Variants in MARCHF8 observed in about 807,000 individuals in gnomAD.
The protein encoded by MARCHF8 is E3 ubiquitin-protein ligase MARCHF8.
MARCHF8 carries 40 observed loss-of-function variants against 51.6 expected under a neutral mutation model. The ratio of observed to expected loss-of-function variants is 0.77; its 90% CI spans 0.60 to 1.01. MARCHF8 has a LOEUF of 1.01. Among genes scored for constraint, MARCHF8 ranks in the 50% least tolerant of loss-of-function variants. MARCHF8 has a pLI of 0.00. For synonymous variants in MARCHF8, 263 were observed against 280.3 expected, an observed-to-expected ratio of 0.94 and a Z score of 0.62; for missense variants, 685 against 708.6, an observed-to-expected ratio of 0.97 and a Z score of 0.38.
intron 1 of MARCHF8, among the ~76,000 whole-genome samples, chr10:45,548,664 GT>G (rs934576302): frequency 6.6e-5 from 10 of 152,124 alleles, no homozygotes; most frequent in African/African-American, 2.2e-4. Context: ...CAGAACAGGT[GT>G]TTTCAACACT....
chr10:45,489,143 A>G (rs900461981), intron 3 of MARCHF8, among the ~76,000 whole-genome samples: 1 of 152,176 alleles, frequency 6.6e-6, no homozygotes, highest in Non-Finnish European at 1.5e-5. Flanking sequence ...TCTGGAAAAA[A>G]TGGAATTTTC....
At chr10:45,541,148 T>G (rs1221930380) in intron 1 of MARCHF8, among the ~76,000 whole-genome samples, 3 of 152,106 alleles carry the variant, frequency 2.0e-5, no homozygotes, top group Non-Finnish European at 4.4e-5. Context: ...CTATTCACAA[T>G]AGCAAAGACT....
intron 3 of MARCHF8, among the ~76,000 whole-genome samples, chr10:45,475,857 C>T (rs1200043921): frequency 6.6e-6 from 1 of 152,184 alleles, no homozygotes; most frequent in African/African-American, 2.4e-5. Flanking sequence ...ACTGCCACCA[C>T]TGGGACCAAG....
chr10:45,594,730 G>C (rs1211268275), exon 1 of MARCHF8: 1 of 152,090 alleles, frequency 6.6e-6, no homozygotes, highest in Non-Finnish European at 1.5e-5. Context: ...GGCTGCGCGC[G>C]GCGTGGGGGA....
chr10:45,529,659 CAT>C (rs2043846231), intron 2 of MARCHF8, among the ~76,000 whole-genome samples: 1 of 152,090 alleles, frequency 6.6e-6, no homozygotes, highest in Admixed American at 6.5e-5. Flanking sequence ...GGCATGAACA[CAT>C]ATTTTGCAAA....
At chr10:45,506,099 T>A (rs1394091042) in intron 2 of MARCHF8, among the ~76,000 whole-genome samples, 1 of 144,986 alleles carries the variant, frequency 6.9e-6, no homozygotes, top group Non-Finnish European at 1.6e-5. Context: ...AGTAATATAT[T>A]CTGATTTACT....
At chr10:45,494,724 T>C (rs546792076) in intron 2 of MARCHF8, among the ~76,000 whole-genome samples, 6 of 152,350 alleles carry the variant, frequency 3.9e-5, no homozygotes, top group South Asian at 2.1e-4. Flanking sequence ...GCCTGGAATA[T>C]AGACGTAATA....
intron 3 of MARCHF8, among the ~76,000 whole-genome samples, chr10:45,470,864 T>C (rs2132982118): frequency 6.6e-6 from 1 of 152,342 alleles, no homozygotes; most frequent in Admixed American, 6.5e-5. Flanking sequence ...GCACAGAAGT[T>C]ACTCTGTCAA....
Position 45,458,497 on chromosome 10 carries a change from G to C in MARCHF8, c.1464C>G (p.Ile488Met). The C allele has an allele frequency of 3.1e-6, 5 of 1,611,020 alleles. No homozygotes were observed. The highest frequency in any genetic ancestry group is 4.2e-6 in the Non-Finnish European group (5 of 1,178,912). ...PFWTKLVVVA[I>M]GFTGGLLFMY... ...TAAAAAGAAGTCCTCCGGTGAAGCCGATGGCCACAACCACCAATTTAGTCC... is the reference window on the plus strand; with the variant it reads ...TAAAAAGAAGTCCTCCGGTGAAGCCCATGGCCACAACCACCAATTTAGTCC... The change falls in exon 8 of 8, where the codon ATC becomes ATG. Residue 488 changes from isoleucine to methionine, a missense_variant. Physicochemically the swap from Ile to Met is conservative, Grantham distance 10. Coordinates refer to ENST00000453424, the MANE Select transcript of MARCHF8 (RefSeq NM_001282866.2).
At chr10:45,482,214 A>G (rs2042900893) in intron 3 of MARCHF8, among the ~76,000 whole-genome samples, 2 of 152,238 alleles carry the variant, frequency 1.3e-5, no homozygotes, top group South Asian at 4.1e-4. Context: ...CAAAAGAATT[A>G]GTGTCATTAA....
At chr10:45,518,425 T>C (rs951845320) in intron 2 of MARCHF8, among the ~76,000 whole-genome samples, 1 of 152,170 alleles carries the variant, frequency 6.6e-6, no homozygotes, top group Non-Finnish European at 1.5e-5. Context: ...ACAACAGCAA[T>C]GGTATGTCCT....
intron 2 of MARCHF8, among the ~76,000 whole-genome samples, chr10:45,491,016 G>A (rs535202826): frequency 2.6e-5 from 4 of 152,256 alleles, no homozygotes; most frequent in East Asian, 3.9e-4. Context: ...TGATCCTCCC[G>A]CCTCAGCCTC....
At chr10:45,486,376 C>A (rs1435354961) in intron 3 of MARCHF8, among the ~76,000 whole-genome samples, 2 of 152,124 alleles carry the variant, frequency 1.3e-5, no homozygotes, top group Non-Finnish European at 2.9e-5. Context: ...CCAGCCTGAT[C>A]AACATAGTGA....
intron 2 of MARCHF8, among the ~76,000 whole-genome samples, chr10:45,522,307 G>A (rs1168621263): frequency 6.6e-6 from 1 of 152,212 alleles, no homozygotes; most frequent in East Asian, 1.9e-4. Flanking sequence ...CTATCTGGGA[G>A]TGGACACACT....
intron 2 of MARCHF8, among the ~76,000 whole-genome samples, chr10:45,530,164 G>A (rs1411935111): frequency 6.6e-6 from 1 of 152,178 alleles, no homozygotes; most frequent in Non-Finnish European, 1.5e-5. Flanking sequence ...TATCTTAAGT[G>A]AAATAACTCA....
chr10:45,527,847 G>T (rs1330283178), intron 2 of MARCHF8, among the ~76,000 whole-genome samples: 1 of 151,920 alleles, frequency 6.6e-6, no homozygotes, highest in African/African-American at 2.4e-5. Flanking sequence ...ATGCAAAAAC[G>T]CTCAAGAAAA....
chr10:45,534,381 T>G (rs1354100375), intron 1 of MARCHF8, among the ~76,000 whole-genome samples: 5 of 152,298 alleles, frequency 3.3e-5, no homozygotes. Context: ...TGAGAAAGGC[T>G]GCCTTTAGGT....
intron 2 of MARCHF8, among the ~76,000 whole-genome samples, chr10:45,513,369 C>T (rs1424512973): frequency 6.6e-6 from 1 of 151,890 alleles, no homozygotes; most frequent in Non-Finnish European, 1.5e-5. Context: ...GTTTATTAAC[C>T]ACCTACTATG....
chr10:45,567,993 T>A (rs377462193), intron 1 of MARCHF8, among the ~76,000 whole-genome samples: 10 of 152,172 alleles, frequency 6.6e-5, no homozygotes, highest in African/African-American at 2.4e-4. Flanking sequence ...TATAGAGACC[T>A]TTCATTTATT....
Sources: allele counts gnomAD v4.1 joint callset (sites outside exome capture counted in the v4.1 genomes callset), GRCh38; gene constraint gnomAD v4.1.1; transcripts MANE v1.5; gene names NCBI Gene and HGNC (gene_info 2026-07-23, HGNC 2026-07-21).